The following UNC93A variants were observed in gnomAD, a reference collection of about 807,000 sequenced individuals.
The protein encoded by UNC93A is N-acetylglucosamine transporter UNC93A.
UNC93A carries 43 observed loss-of-function variants against 47.5 expected under a neutral mutation model. That is an observed-to-expected ratio of 0.91 (90% confidence interval 0.71 to 1.17). The LOEUF is 1.17. UNC93A is among the 50% of genes most tolerant of loss of function. The pLI is 0.00. For synonymous variants in UNC93A, 280 were observed against 258.0 expected, an observed-to-expected ratio of 1.09 and a Z score of -0.82; for missense variants, 605 against 577.6, an observed-to-expected ratio of 1.05 and a Z score of -0.49.
At chr6:167,291,681 G>T in intron 1 of UNC93A, 105 bp downstream of exon 1, 2 of 1,098,316 alleles carry the variant, frequency 1.8e-6, no homozygotes, top group South Asian at 3.1e-5. Context: ...AATTCACCTG[G>T]TGTTTCTTTT....
At chr6:167,303,811 A>G in intron 4 of UNC93A, 108 bp from the exon 5 acceptor site, 1 of 1,053,276 alleles carries the variant, frequency 9.5e-7, no homozygotes, top group East Asian at 2.4e-5. Flanking sequence ...TCTGGATCTG[A>G]ATTAGCCCTC....
At chr6:167,307,377 C>T (rs925033403) in intron 6 of UNC93A, among the ~76,000 whole-genome samples, 1 of 152,178 alleles carries the variant, frequency 6.6e-6, no homozygotes, top group African/African-American at 2.4e-5. Flanking sequence ...ATTAAGGGAA[C>T]ATTGAGCATG....
chr6:167,283,862 A>G (rs1783675713), intron 1 of UNC93A, among the ~76,000 whole-genome samples: 1 of 152,202 alleles, frequency 6.6e-6, no homozygotes, highest in Non-Finnish European at 1.5e-5. Flanking sequence ...TGTTAAAAAG[A>G]CAGTAATTTG....
In UNC93A at chr6:167,301,964, A is replaced by T. The variant is rs549523725; in HGVS notation, c.626-1955A>T. Among the ~76,000 whole-genome samples, 80 of 152,286 alleles carry T rather than the reference A, an allele frequency of 5.3e-4. 2 individuals carry two copies. The South Asian group carries it at 0.015, about 28-fold the overall frequency. ...GAGGAAAATCAAGGGTGACCAAGAA[A>T]CACCTGTGGCAGCAGGAGTCCTGCT... is the stretch of plus-strand genomic sequence containing the variant. On this transcript the variant is annotated intron_variant, in intron 4 of 7. Transcript: ENST00000230256.
intron 1 of UNC93A, among the ~76,000 whole-genome samples, chr6:167,275,503 G>A (rs1230242397): frequency 6.6e-6 from 1 of 152,212 alleles, no homozygotes; most frequent in Non-Finnish European, 1.5e-5. Context: ...ACCCCCAAGG[G>A]CAGTCAGCGG....
At chr6:167,289,259 T>C (rs633032), upstream of UNC93A, among the ~76,000 whole-genome samples, 14,754 of 105,496 alleles carry the variant, frequency 0.14, 831 homozygotes, top group East Asian at 0.28. Flanking sequence ...TGTCCCTTTG[T>C]TTATGACGAG....
In UNC93A at chr6:167,303,970, G is replaced by A. The variant is rs550819069; in HGVS notation, c.677G>A (p.Arg226Gln). The change falls in exon 5 of 8, where the codon CGA becomes CAA. Residue 226 changes from arginine to glutamine, a missense_variant. Arg to Gln is a conservative substitution (Grantham distance 43). Transcript: ENST00000230256. Reference sequence around the variant, plus strand: ...ATAGCTGCGTTCCTCCAACCCATACGAGATGTTCAGCGGGAAAGTGAAGGA... The same window carrying A: ...ATAGCTGCGTTCCTCCAACCCATACAAGATGTTCAGCGGGAAAGTGAAGGA... ...LMIAAFLQPI[R>Q]DVQRESEGEK... The A allele has an allele frequency of 1.2e-5, 20 of 1,613,586 alleles. No individual in the cohort carries two copies. Among genetic ancestry groups the A allele is most frequent in the Middle Eastern group, 1.7e-4 (1 of 6,060 alleles).
At chr6:167,269,281 AC>A (rs1407135481), upstream of UNC93A, among the ~76,000 whole-genome samples, 2 of 152,178 alleles carry the variant, frequency 1.3e-5, no homozygotes, top group African/African-American at 4.8e-5. Context: ...ACGCCCAGAG[AC>A]CCAGTCTTGG....
chr6:167,285,938 TTCTCTCTC>T (rs138265267), intron 1 of UNC93A, among the ~76,000 whole-genome samples: 2 of 131,744 alleles, frequency 1.5e-5, no homozygotes, highest in African/African-American at 3.0e-5. Flanking sequence ...TTAGTTTTCT[TTCTCTCTC>T]TCTCTCTCTC....
At position 167,291,439 on chromosome 6, in the gene UNC93A, G is replaced by A. The variant is rs1339823432; in HGVS notation, c.-51G>A. 3 of 1,554,890 alleles carry A rather than the reference G, an allele frequency of 1.9e-6. No homozygotes were observed. The highest frequency in any genetic ancestry group is 2.3e-5 in the South Asian group (2 of 86,776). On this transcript the variant is annotated 5_prime_UTR_variant, in exon 1 of 8. Transcript: ENST00000230256. ...CCATGCCTCAATTGGTTTCTTTTAG[G>A]GAGCTACAAATTTACGTGTTCACTG...
chr6:167,271,563 G>A (rs1417768486), intron 1 of UNC93A: 1 of 152,122 alleles, frequency 6.6e-6, no homozygotes, highest in Non-Finnish European at 1.5e-5. Context: ...TTGTATTTTT[G>A]GTTTACAGGC....
intron 4 of UNC93A, among the ~76,000 whole-genome samples, chr6:167,301,364 AAC>A: frequency 6.6e-6 from 1 of 152,350 alleles, no homozygotes; most frequent in East Asian, 1.9e-4. Context: ...TTGTGATTGT[AAC>A]AGTCCTGCAG....
intron 7 of UNC93A, among the ~76,000 whole-genome samples, chr6:167,310,659 T>A (rs1212599740): frequency 6.6e-6 from 1 of 152,166 alleles, no homozygotes; most frequent in African/African-American, 2.4e-5. Flanking sequence ...ACCAGACAGA[T>A]CACTTAAGCT....
intron 1 of UNC93A, among the ~76,000 whole-genome samples, chr6:167,275,879 G>C (rs1783530795): frequency 6.6e-6 from 1 of 152,150 alleles, no homozygotes; most frequent in Non-Finnish European, 1.5e-5. Context: ...TGGATGCTGT[G>C]TATTGCTGTT....
chr6:167,296,411 C>T, intron 3 of UNC93A, 150 bp downstream of exon 3: 1 of 827,714 alleles, frequency 1.2e-6, no homozygotes, highest in Non-Finnish European at 1.9e-6. Flanking sequence ...CTCAACCTGC[C>T]TGTGCTTCAG....
In UNC93A at chr6:167,296,116, G is replaced by A. The variant is rs1211437786; in HGVS notation, c.354G>A (p.Thr118=). ...WSAQCTYLTI[T]GNTHAEKAGK... is the part of the protein sequence containing the mutation. ...CACAGTGCACATACCTCACGATCAC[G>A]GGAAACACACATGCAGAGAAGGCGG... The change falls in exon 3 of 8, where the codon ACG becomes ACA. Residue 118 remains threonine (T), a synonymous_variant. Transcript: ENST00000230256. The A allele has an allele frequency of 5.6e-6, 9 of 1,614,102 alleles. No individual in the cohort carries two copies. Among genetic ancestry groups the A allele is most frequent in the African/African-American group, 2.7e-5 (2 of 74,916 alleles).
chr6:167,281,083 T>C (rs1441300849), intron 1 of UNC93A, among the ~76,000 whole-genome samples: 1 of 151,622 alleles, frequency 6.6e-6, no homozygotes, highest in Admixed American at 6.6e-5. Flanking sequence ...CCTCAGGCGG[T>C]AATCCCACCA....
At chr6:167,295,597 G>A (rs1162330348) in intron 2 of UNC93A, among the ~76,000 whole-genome samples, 1 of 90,384 alleles carries the variant, frequency 1.1e-5, no homozygotes, top group Non-Finnish European at 2.1e-5. Context: ...CGTGCTCCTC[G>A]CCTCCCTCGT....
intron 1 of UNC93A, among the ~76,000 whole-genome samples, chr6:167,280,704 A>T (rs1729327956): frequency 6.6e-6 from 1 of 152,130 alleles, no homozygotes; most frequent in African/African-American, 2.4e-5. Context: ...GTCTTATCAT[A>T]AGTTCCTCAA....
Sources: gnomAD v4.1 joint callset for allele counts (sites outside exome capture counted in the v4.1 genomes callset) on GRCh38, gnomAD v4.1.1 for gene constraint, MANE v1.5 for transcripts, NCBI Gene and HGNC (gene_info 2026-07-23, HGNC 2026-07-21) for gene names.